Variants in ZMYND11 observed in about 807,000 individuals in gnomAD.
ZMYND11 encodes zinc finger MYND domain-containing protein 11.
ZMYND11 carries 9 observed loss-of-function variants against 84.9 expected under a neutral mutation model. That is an observed-to-expected ratio of 0.11 (90% CI 0.06 to 0.18). The LOEUF is 0.18. ZMYND11 is among the 10% of genes least tolerant of loss of function. The probability of loss-of-function intolerance (pLI) is 1.00; values close to 1 mark genes in which losing one functional copy is unlikely to be tolerated. For synonymous variants in ZMYND11, 250 were observed against 244.1 expected, an observed-to-expected ratio of 1.02 and a Z score of -0.23; for missense variants, 409 against 761.0, an observed-to-expected ratio of 0.54 and a Z score of 5.44.
intron 1 of ZMYND11, among the ~76,000 whole-genome samples, chr10:136,530 C>T (rs941056756): frequency 1.3e-5 from 2 of 152,098 alleles, no homozygotes; most frequent in Non-Finnish European, 2.9e-5. Context: ...CATGTATCTT[C>T]CTCGCTTAGG....
chr10:244,710 A>G (rs1480060067), intron 10 of ZMYND11: 2 of 152,248 alleles, frequency 1.3e-5, no homozygotes, highest in Admixed American at 6.5e-5. Flanking sequence ...GCCAGATTAG[A>G]CTATTCCTCT....
At chr10:186,117 C>G (rs1938346480) in intron 2 of ZMYND11, among the ~76,000 whole-genome samples, 1 of 151,492 alleles carries the variant, frequency 6.6e-6, no homozygotes, top group South Asian at 2.1e-4. Flanking sequence ...TCACACCATT[C>G]TCCTGCCTCA....
intron 4 of ZMYND11, among the ~76,000 whole-genome samples, chr10:228,828 A>G (rs1297755320): frequency 2.6e-5 from 4 of 152,198 alleles, no homozygotes; most frequent in African/African-American, 9.7e-5. Flanking sequence ...TAAGTCATAT[A>G]GCAAGCCACC....
At chr10:168,763 A>G (rs1844602616) in intron 1 of ZMYND11, among the ~76,000 whole-genome samples, 1 of 152,164 alleles carries the variant, frequency 6.6e-6, no homozygotes, top group African/African-American at 2.4e-5. Flanking sequence ...AGAGACAGAT[A>G]GGTAGATATA....
chr10:210,198 A>G (rs1396197829), intron 3 of ZMYND11, 150 bp downstream of exon 3: 4 of 817,752 alleles, frequency 4.9e-6, no homozygotes, highest in Non-Finnish European at 7.4e-6. Context: ...GGTAGTATGG[A>G]TACTTTCCTT....
At chr10:192,664 C>T (rs992522405) in intron 2 of ZMYND11, among the ~76,000 whole-genome samples, 20 of 152,240 alleles carry the variant, frequency 1.3e-4, no homozygotes, top group Admixed American at 1.1e-3. Context: ...CCACCTCCGT[C>T]TTCGTGCTGG....
At chr10:248,296 T>G (rs771409905) in intron 12 of ZMYND11, 40 bp from the exon 13 acceptor site, 1 of 1,589,174 alleles carries the variant, frequency 6.3e-7, no homozygotes, top group Non-Finnish European at 8.6e-7. Flanking sequence ...GTGAATTATG[T>G]GGCTTCGTTT....
Position 135,908 on chromosome 10 carries a change from G to A in ZMYND11, c.-20+349G>A, listed in dbSNP as rs1341651118. On this transcript the variant is annotated intron_variant, in intron 1 of 14. Transcript: ENST00000381604. The surrounding 1 kb of genome is among the most constrained non-coding windows in gnomAD (Gnocchi z 5.6). The stretch of plus-strand genomic sequence containing the variant: ...GAAGCCGCGGAGTCGCGTGAGCACC[G>A]CCCGCCGGGCCCTGTGCCCCGCTTT... Among the ~76,000 whole-genome samples, 1 of 151,536 alleles carries A rather than the reference G, an allele frequency of 6.6e-6. No individual in the cohort carries two copies. Among genetic ancestry groups the A allele is most frequent in the African/African-American group, 2.4e-5 (1 of 41,340 alleles).
chr10:196,952 T>G (rs1442955660), intron 2 of ZMYND11, among the ~76,000 whole-genome samples: 1 of 152,084 alleles, frequency 6.6e-6, no homozygotes, highest in Non-Finnish European at 1.5e-5. Flanking sequence ...TGGAGTGCTT[T>G]TAGTTCACGT....
At chr10:187,951 A>G (rs1939191139) in intron 2 of ZMYND11, among the ~76,000 whole-genome samples, 2 of 152,204 alleles carry the variant, frequency 1.3e-5, no homozygotes, top group Non-Finnish European at 1.5e-5. Context: ...TAAAATGGAA[A>G]CAAATTAGTC....
At chr10:176,215 A>G (rs374187378) in intron 1 of ZMYND11, among the ~76,000 whole-genome samples, 11 of 152,298 alleles carry the variant, frequency 7.2e-5, no homozygotes, top group Admixed American at 2.0e-4. Context: ...TTGTTGGGAT[A>G]GAGAATATCA....
At chr10:236,780 A>G in intron 4 of ZMYND11, 58 bp from the exon 5 acceptor site, 1 of 1,420,890 alleles carries the variant, frequency 7.0e-7, no homozygotes, top group African/African-American at 1.4e-5. Flanking sequence ...TTTTACATGA[A>G]TATAGACATA....
In ZMYND11 at chr10:252,482, C is replaced by T; in HGVS notation, c.*12C>T. The T allele has an allele frequency of 6.2e-7, 1 of 1,606,342 alleles. No individual in the cohort carries two copies. Among genetic ancestry groups the T allele is most frequent in the South Asian group, 1.1e-5 (1 of 90,818 alleles). ...GCCGGAAAAGATGAAGCTGGCCCTT[C>T]CCGGAGTCACCCCGATGATTACTCT... On this transcript the variant is annotated 3_prime_UTR_variant, in exon 15 of 15. Coordinates refer to ENST00000381604, the MANE Select transcript of ZMYND11 (RefSeq NM_001370100.5). The surrounding 1 kb of genome is among the most constrained non-coding windows in gnomAD (Gnocchi z 4.6).
At chr10:155,707 T>TA (rs1198398444) in intron 1 of ZMYND11, among the ~76,000 whole-genome samples, 1 of 152,170 alleles carries the variant, frequency 6.6e-6, no homozygotes, top group Non-Finnish European at 1.5e-5. Context: ...GGCCAAGATT[T>TA]AAAAAAGACC....
chr10:242,054 A>C lies in ZMYND11; in HGVS notation c.865A>C (p.Lys289Gln). The change falls in exon 10 of 15, where the codon AAA becomes CAA. Residue 289 changes from lysine to glutamine, a missense_variant. By Grantham distance (53) the Lys-to-Gln change is moderately conservative. Transcript: ENST00000381604. ...TCATGAGCTGGTTTGGGCTAAAATG[A>C]AAGGTTTTGGGTTTTGGCCAGCCAA... The part of the protein sequence containing the change: ...PNHELVWAKM[K>Q]GFGFWPAKVM... 1 of 1,614,156 alleles carries C rather than the reference A, an allele frequency of 6.2e-7. No individual in the cohort carries two copies.
At chr10:206,496 T>C (rs79013479) in intron 2 of ZMYND11, among the ~76,000 whole-genome samples, 1,583 of 152,358 alleles carry the variant, frequency 0.01, 24 homozygotes, top group African/African-American at 0.036. Flanking sequence ...TCTGTCAGTA[T>C]TTCTTTTATT....
At chr10:170,502 AAATG>A (rs1845073525) in intron 1 of ZMYND11, among the ~76,000 whole-genome samples, 2 of 151,852 alleles carry the variant, frequency 1.3e-5, no homozygotes, top group South Asian at 2.1e-4. Context: ...TGTGTAAGTA[AAATG>A]AATGACAGTT....
At chr10:208,030 AAAAC>A (rs1944501321) in intron 2 of ZMYND11, among the ~76,000 whole-genome samples, 1 of 152,166 alleles carries the variant, frequency 6.6e-6, no homozygotes, top group African/African-American at 2.4e-5. Flanking sequence ...AAACCTGAGA[AAAAC>A]AAGCAATGGG....
At chr10:181,475 C>G (rs1171007773) in intron 2 of ZMYND11, among the ~76,000 whole-genome samples, 2 of 152,190 alleles carry the variant, frequency 1.3e-5, no homozygotes, top group Non-Finnish European at 2.9e-5. Context: ...AAAAATTAGC[C>G]TGGTGTGGTG....
Sources: allele counts gnomAD v4.1 joint callset (sites outside exome capture counted in the v4.1 genomes callset), GRCh38; gene constraint gnomAD v4.1.1; non-coding constraint Gnocchi (gnomAD v3.1); transcripts MANE v1.5; gene names NCBI Gene and HGNC (gene_info 2026-07-23, HGNC 2026-07-21).